The following GRID2 variants were observed in gnomAD, a reference collection of about 807,000 sequenced individuals.
GRID2 encodes glutamate ionotropic receptor delta type subunit 2, also known as glutamate receptor ionotropic, delta-2.
In GRID2, 33 loss-of-function variants were observed where a neutral mutation model predicts 114.8. That is an observed-to-expected ratio of 0.29 (90% CI 0.22 to 0.38). The LOEUF is 0.38. GRID2 is among the 10% of genes least tolerant of loss of function. The pLI is 1.00. For missense variants in GRID2, 1,184 were observed against 1,257.7 expected (o/e 0.94, Z 0.89); for synonymous variants, 505 against 449.9 (o/e 1.12, Z -1.55).
rs1478599417 is a variant in GRID2 at position 93,163,397 on chromosome 4, T to TAC, written c.736-44006_736-44005insCA. 6.2e-4 allele frequency among the ~76,000 whole-genome samples: 25 copies of TAC among 40,574 alleles called. 1 individual carries two copies. Among genetic ancestry groups the TAC allele is most frequent in the Non-Finnish European group, 7.7e-4 (16 of 20,806 alleles). 26.6% of individuals were successfully genotyped at this position (40,574 alleles called of 152,430 possible). A position where few individuals can be genotyped will look rare whatever the true frequency, so the allele number is the denominator to read the frequency against. On this transcript the variant is annotated intron_variant, in intron 4 of 15. Coordinates refer to ENST00000282020, the MANE Select transcript of GRID2 (RefSeq NM_001510.4). ...ATATATATATATATATATATATATA[T>TAC]ATACACTATATATATACATACATGT...
intron 2 of GRID2, among the ~76,000 whole-genome samples, chr4:92,905,135 T>C (rs1195634256): frequency 6.6e-6 from 1 of 152,032 alleles, no homozygotes; most frequent in African/African-American, 2.4e-5. Context: ...ATGATATTTA[T>C]TTCCCCTAAG....
intron 2 of GRID2, among the ~76,000 whole-genome samples, chr4:92,987,393 C>T (rs1476417811): frequency 6.6e-6 from 1 of 151,560 alleles, no homozygotes; most frequent in African/African-American, 2.4e-5. Flanking sequence ...GTGAAATTGC[C>T]AGAACAGTGA....
At chr4:92,615,942 TTA>T (rs1579690845) in intron 2 of GRID2, among the ~76,000 whole-genome samples, 1 of 151,690 alleles carries the variant, frequency 6.6e-6, no homozygotes, top group African/African-American at 2.4e-5. Context: ...GTTATTGTCT[TTA>T]TATGTTGTAT....
chr4:92,563,595 T>C (rs1293835915), intron 1 of GRID2, among the ~76,000 whole-genome samples: 1 of 152,132 alleles, frequency 6.6e-6, no homozygotes, highest in Admixed American at 6.6e-5. Flanking sequence ...TTTTTTCTTT[T>C]TTATTCTTTA....
intron 11 of GRID2, among the ~76,000 whole-genome samples, chr4:93,463,522 A>G (rs1218571009): frequency 2.6e-5 from 4 of 152,202 alleles, no homozygotes; most frequent in Non-Finnish European, 5.9e-5. Context: ...TAAAACAAGA[A>G]CTAGTACAAT....
chr4:93,412,758 A>C (rs9996912), intron 9 of GRID2, among the ~76,000 whole-genome samples: 106,780 of 151,774 alleles, frequency 0.7, 38,157 homozygotes, highest in African/African-American at 0.84. Context: ...TGCCTACCCC[A>C]CTAACAGGCC....
intron 8 of GRID2, among the ~76,000 whole-genome samples, chr4:93,263,746 G>A (rs1044747812): frequency 6.6e-6 from 1 of 151,840 alleles, no homozygotes; most frequent in Non-Finnish European, 1.5e-5. Flanking sequence ...GGTTAGAGTG[G>A]GTAATTTGAA....
At chr4:93,243,804 G>A (rs185552753) in intron 8 of GRID2, among the ~76,000 whole-genome samples, 3 of 152,048 alleles carry the variant, frequency 2.0e-5, no homozygotes, top group Admixed American at 6.6e-5. Flanking sequence ...GTCATAAGGT[G>A]GTACTTATTT....
chr4:93,376,090 C>T (rs906814777), intron 8 of GRID2, among the ~76,000 whole-genome samples: 1 of 152,054 alleles, frequency 6.6e-6, no homozygotes, highest in Non-Finnish European at 1.5e-5. Flanking sequence ...TAGTTTTGGG[C>T]CCACCCATAT....
intron 1 of GRID2, among the ~76,000 whole-genome samples, chr4:92,487,125 A>T (rs1047872069): frequency 2.0e-5 from 3 of 151,808 alleles, no homozygotes; most frequent in Non-Finnish European, 4.4e-5. Flanking sequence ...AAATAACTTT[A>T]TTTTAATTCA....
At chr4:93,046,815 T>G (rs1726184627) in intron 2 of GRID2, among the ~76,000 whole-genome samples, 1 of 151,882 alleles carries the variant, frequency 6.6e-6, no homozygotes, top group Admixed American at 6.6e-5. Context: ...TTTAGTTGAC[T>G]TCATAAGAAA....
rs563524798 is a variant in GRID2 at position 93,696,271 on chromosome 4, T to C, written c.2360+69836T>C. Among the ~76,000 whole-genome samples the C allele has an allele frequency of 2.0e-5, 3 of 147,940 alleles. No homozygotes were observed. In the South Asian group the frequency reaches 6.4e-4, roughly 31 times the overall value. On this transcript the variant is annotated intron_variant, in intron 14 of 15. Transcript: ENST00000282020. ...CTTCCCTTTACTTAGCTGGCTTCTC[T>C]CTCAAACTGTCTGCTTCCACATCAG... is the stretch of plus-strand genomic sequence containing the variant.
At position 93,610,922 on chromosome 4, in the gene GRID2, T is replaced by C. The variant is rs376708246; in HGVS notation, c.2194-15347T>C. ...TCCTCCTTGTACTTCCGGTAGAATT[T>C]GGCTGTGAATCCATCTGGTCCTGGA... is the stretch of plus-strand genomic sequence containing the variant. On this transcript the variant is annotated intron_variant, in intron 13 of 15. Transcript: ENST00000282020. 9.0e-4 allele frequency among the ~76,000 whole-genome samples: 126 copies of C among 139,590 alleles called. 7 individuals carry two copies. The Middle Eastern group carries it at 0.011, about 12-fold the overall frequency. The allele number at this position is 139,590 out of a possible 152,430, so 91.6% of individuals were successfully genotyped here. A position where few individuals can be genotyped will look rare whatever the true frequency, so the allele number is the denominator to read the frequency against.
At chr4:93,419,011 C>T (rs1767996188) in intron 9 of GRID2, among the ~76,000 whole-genome samples, 2 of 148,484 alleles carry the variant, frequency 1.3e-5, no homozygotes, top group African/African-American at 5.0e-5. Flanking sequence ...AGTTGAGATT[C>T]TTCCTAAGTT....
At chr4:93,468,205 G>A (rs75679590) in intron 11 of GRID2, among the ~76,000 whole-genome samples, 2,605 of 152,144 alleles carry the variant, frequency 0.017, 63 homozygotes, top group African/African-American at 0.06. Context: ...TTAGAACCAA[G>A]CATTTTGGGT....
Position 92,419,708 on chromosome 4 carries a change from A to T in GRID2, c.88+114964A>T, listed in dbSNP as rs539942303. ...GGAAAAAGATAGCAGGAAATTTCAA[A>T]ATCACCTTCTTCCTTCCTTTTTACC... On this transcript the variant is annotated intron_variant, in intron 1 of 15. Coordinates refer to ENST00000282020, the MANE Select transcript of GRID2 (RefSeq NM_001510.4). Among the ~76,000 whole-genome samples the T allele has an allele frequency of 3.3e-5, 5 of 152,112 alleles. No individual in the cohort carries two copies. In the South Asian group the frequency reaches 1.0e-3, roughly 32 times the overall value.
intron 2 of GRID2, among the ~76,000 whole-genome samples, chr4:92,711,550 C>T (rs1057158248): frequency 5.3e-5 from 8 of 149,940 alleles, no homozygotes; most frequent in Non-Finnish European, 1.2e-4. Context: ...TTCCTCAAAT[C>T]CTTCTCACAC....
chr4:92,947,031 AC>A, intron 2 of GRID2, among the ~76,000 whole-genome samples: 1 of 152,210 alleles, frequency 6.6e-6, no homozygotes, highest in Admixed American at 6.5e-5. Context: ...TGAAAGCACT[AC>A]CTTGTATAAT....
chr4:93,295,265 C>G (rs1315723937), intron 8 of GRID2, among the ~76,000 whole-genome samples: 4 of 151,854 alleles, frequency 2.6e-5, no homozygotes, highest in Non-Finnish European at 5.9e-5. Context: ...AAAACGAGGT[C>G]CAAATGTGGA....
Sources: allele counts gnomAD v4.1 joint callset (sites outside exome capture counted in the v4.1 genomes callset), GRCh38; gene constraint gnomAD v4.1.1; transcripts MANE v1.5; gene names NCBI Gene and HGNC (gene_info 2026-07-23, HGNC 2026-07-21).